SLF1: variants seen among roughly 807,000 people sequenced by gnomAD.
The protein encoded by SLF1 is SMC5-SMC6 complex localization factor protein 1.
SLF1 carries 105 observed loss-of-function variants against 123.0 expected under a neutral mutation model. The ratio of observed to expected loss-of-function variants is 0.85; its 90% CI spans 0.73 to 1.00. SLF1 has a LOEUF of 1.00. Among genes scored for constraint, SLF1 ranks in the 50% least tolerant of loss-of-function variants. The pLI is 0.00. For synonymous variants in SLF1, 434 were observed against 406.6 expected, an observed-to-expected ratio of 1.07 and a Z score of -0.81; for missense variants, 1,239 against 1,223.0, an observed-to-expected ratio of 1.01 and a Z score of -0.20.
chr5:94,651,054 T>G (rs928888767), intron 6 of SLF1, among the ~76,000 whole-genome samples: 3 of 152,352 alleles, frequency 2.0e-5, no homozygotes, highest in African/African-American at 7.2e-5. Flanking sequence ...TATAGTCCCA[T>G]AAGATAATAA....
rs1261762319 is a variant in SLF1 at position 94,696,419 on chromosome 5, T to C, written c.*1107T>C. ...GTAATCTAAATTGAAAACTGCTATA[T>C]CAGTATGAAAAAATATTTTAAATAA... On this transcript the variant is annotated 3_prime_UTR_variant, in exon 21 of 21. Transcript: ENST00000265140. The C allele has an allele frequency of 6.6e-6, 1 of 151,800 alleles. No individual in the cohort carries two copies. The highest frequency in any genetic ancestry group is 2.4e-5 in the African/African-American group (1 of 41,396). The allele number at this position is 151,800 out of a possible 1,614,324, so 9.4% of individuals were successfully genotyped here. A position where few individuals can be genotyped will look rare whatever the true frequency, so the allele number is the denominator to read the frequency against.
In SLF1 at chr5:94,665,870, G is replaced by A. The variant is rs1331139049; in HGVS notation, c.1378G>A (p.Asp460Asn). ...LLENVLQDNI[D>N]TFSGRYFHIL... ...TATTTTTAAATAATAGGATAACATA[G>A]ATACATTTTCTGGTCGATACTTTCA... Residue 460 changes from aspartate (D) to asparagine (N), a missense_variant, in exon 12 of 21, where the codon GAT becomes AAT. Asp to Asn is a conservative substitution (Grantham distance 23). Coordinates refer to ENST00000265140, the MANE Select transcript of SLF1 (RefSeq NM_032290.4). 4 of 1,542,798 alleles carry A rather than the reference G, an allele frequency of 2.6e-6. No homozygotes were observed. The African/African-American group carries it at 5.5e-5, about 21-fold the overall frequency.
chr5:94,666,905 A>G (rs1749821389), intron 12 of SLF1, among the ~76,000 whole-genome samples: 1 of 150,456 alleles, frequency 6.6e-6, no homozygotes, highest in South Asian at 2.1e-4. Flanking sequence ...TTGGGCTCCC[A>G]AAGTCCTGGG....
chr5:94,679,298 A>C (rs1751476747), intron 15 of SLF1, among the ~76,000 whole-genome samples: 1 of 152,146 alleles, frequency 6.6e-6, no homozygotes, highest in Non-Finnish European at 1.5e-5. Flanking sequence ...TATTATTCAA[A>C]TATAATTATT....
chr5:94,678,990 A>C (rs571063885), intron 15 of SLF1, 35 bp downstream of exon 15: 3 of 1,597,206 alleles, frequency 1.9e-6, no homozygotes, highest in Middle Eastern at 1.7e-4. Context: ...TTTCAGACCC[A>C]TTCTGGAAAT....
intron 5 of SLF1, 66 bp from the exon 6 acceptor site, chr5:94,649,388 A>G (rs1747424150): frequency 2.3e-6 from 3 of 1,296,350 alleles, no homozygotes; most frequent in Non-Finnish European, 2.0e-6. Context: ...GTTGAGTACC[A>G]TAAAACGTAC....
At chr5:94,622,198 CT>C (rs1267071770) in intron 1 of SLF1, among the ~76,000 whole-genome samples, 1 of 152,220 alleles carries the variant, frequency 6.6e-6, no homozygotes, top group Non-Finnish European at 1.5e-5. Flanking sequence ...TATTTGTTTA[CT>C]TTCCCAGTTA....
chr5:94,621,234 TC>T (rs1791757623), intron 1 of SLF1, among the ~76,000 whole-genome samples: 1 of 152,226 alleles, frequency 6.6e-6, no homozygotes, highest in Admixed American at 6.5e-5. Flanking sequence ...GCAATTTAAT[TC>T]ACCTTGGTAT....
At chr5:94,691,783 TTTC>T in intron 19 of SLF1, 127 bp downstream of exon 19, 16 of 784,096 alleles carry the variant, frequency 2.0e-5, no homozygotes, top group Non-Finnish European at 3.0e-5. Context: ...ATAAGAAAAA[TTTC>T]TTAGCAAAGC....
At chr5:94,620,242 T>C (rs1791618689) in intron 1 of SLF1, 1 of 152,240 alleles carries the variant, frequency 6.6e-6, no homozygotes, top group Non-Finnish European at 1.5e-5. Flanking sequence ...GTCAATTTTA[T>C]TGTAAAGACA....
At chr5:94,657,758 A>G (rs939676491) in intron 9 of SLF1, among the ~76,000 whole-genome samples, 2 of 152,000 alleles carry the variant, frequency 1.3e-5, no homozygotes, top group East Asian at 1.9e-4. Flanking sequence ...TAGAATTGTT[A>G]TATCTTCTTG....
chr5:94,682,401 C>T (rs913417077), intron 15 of SLF1, among the ~76,000 whole-genome samples: 5 of 152,044 alleles, frequency 3.3e-5, no homozygotes, highest in African/African-American at 1.2e-4. Context: ...TTCTTCTACT[C>T]AGTTACTATC....
At position 94,697,272 on chromosome 5, in the gene SLF1, A is replaced by T. The variant is rs1718985134; in HGVS notation, c.*1960A>T. On this transcript the variant is annotated 3_prime_UTR_variant, in exon 21 of 21. Coordinates refer to ENST00000265140, the MANE Select transcript of SLF1 (RefSeq NM_032290.4). ...GTGCCCTGGCTAACAATACCAGTAT[A>T]TGAGTATGAATCTAAATGTTCAGGA... 1 of 151,870 alleles carries T rather than the reference A, an allele frequency of 6.6e-6. No homozygotes were observed. The highest frequency in any genetic ancestry group is 2.4e-5 in the African/African-American group (1 of 41,404). The allele number at this position is 151,870 out of a possible 1,614,324, so 9.4% of individuals were successfully genotyped here. A position where few individuals can be genotyped will look rare whatever the true frequency, so the allele number is the denominator to read the frequency against.
intron 5 of SLF1, among the ~76,000 whole-genome samples, chr5:94,645,943 G>A (rs1422622604): frequency 1.3e-5 from 2 of 152,172 alleles, no homozygotes; most frequent in Non-Finnish European, 2.9e-5. Context: ...AAGAAAAGCT[G>A]CCATGTAAAA....
intron 14 of SLF1, among the ~76,000 whole-genome samples, chr5:94,677,813 T>C (rs910707387): frequency 6.6e-6 from 1 of 152,240 alleles, no homozygotes; most frequent in African/African-American, 2.4e-5. Context: ...GAAAAATACT[T>C]TCAAACATTA....
At chr5:94,653,546 A>G (rs1747998605) in intron 8 of SLF1, 125 bp downstream of exon 8, 2 of 800,368 alleles carry the variant, frequency 2.5e-6, no homozygotes, top group Non-Finnish European at 3.7e-6. Flanking sequence ...TAATATTCAT[A>G]GTTAATATTC....
At chr5:94,633,434 A>C (rs1169192653) in intron 4 of SLF1, among the ~76,000 whole-genome samples, 1 of 152,234 alleles carries the variant, frequency 6.6e-6, no homozygotes, top group Non-Finnish European at 1.5e-5. Context: ...TAAACCTGAT[A>C]AATGACATCT....
chr5:94,633,198 G>T (rs1458032884), intron 4 of SLF1, among the ~76,000 whole-genome samples: 1 of 151,452 alleles, frequency 6.6e-6, no homozygotes, highest in Non-Finnish European at 1.5e-5. Context: ...TGTTGGTTAG[G>T]CTGGTCTCAA....
Position 94,695,356 on chromosome 5 carries a change from T to G in SLF1, c.*44T>G. Reference sequence around the variant, plus strand: ...ATTGACTTTCTAAATCTGTTCAGTTTGCATTGGTACTTACTGTGGACTTCA... The same window carrying G: ...ATTGACTTTCTAAATCTGTTCAGTTGGCATTGGTACTTACTGTGGACTTCA... On this transcript the variant is annotated 3_prime_UTR_variant, in exon 21 of 21. Transcript: ENST00000265140. 1 of 1,554,030 alleles carries G rather than the reference T, an allele frequency of 6.4e-7. No individual in the cohort carries two copies. The highest frequency in any genetic ancestry group is 8.7e-7 in the Non-Finnish European group (1 of 1,150,508).
Sources: gnomAD v4.1 joint callset for allele counts (sites outside exome capture counted in the v4.1 genomes callset) on GRCh38, gnomAD v4.1.1 for gene constraint, MANE v1.5 for transcripts, NCBI Gene and HGNC (gene_info 2026-07-23, HGNC 2026-07-21) for gene names.